AFG2A: variants seen among roughly 807,000 people sequenced by gnomAD.
The protein encoded by AFG2A is ATPase family gene 2 protein homolog A.
chr4:123,162,548 AT>A, the AFG2A span, among the ~76,000 whole-genome samples: 38 of 152,312 alleles, frequency 2.5e-4, no homozygotes, highest in Middle Eastern at 3.4e-3. Context: ...CTTAGAACTT[AT>A]GTCTATAAAA....
chr4:122,956,344 A>G, the AFG2A span, among the ~76,000 whole-genome samples: 2 of 152,240 alleles, frequency 1.3e-5, no homozygotes, highest in Non-Finnish European at 2.9e-5. Flanking sequence ...TAGAAGTATC[A>G]GACAGACTCA....
the AFG2A span, among the ~76,000 whole-genome samples, chr4:123,182,589 A>C: frequency 6.6e-6 from 1 of 152,188 alleles, no homozygotes; most frequent in East Asian, 1.9e-4. Context: ...TTGTGCTTAA[A>C]GTATAAAACT....
the AFG2A span, among the ~76,000 whole-genome samples, chr4:123,007,150 C>G: frequency 6.6e-6 from 1 of 151,838 alleles, no homozygotes; most frequent in South Asian, 2.1e-4. Context: ...GTTTTGGTAA[C>G]AGTTTGATCC....
chr4:123,007,588 G>A, the AFG2A span, among the ~76,000 whole-genome samples: 46 of 8,600 alleles, frequency 5.3e-3, 1 homozygote, highest in South Asian at 0.036. Context: ...GTGTGTGTGT[G>A]TGTGTGTGTG....
the AFG2A span, among the ~76,000 whole-genome samples, chr4:122,954,931 A>G: frequency 0.16 from 24,868 of 152,032 alleles, 2,504 homozygotes; most frequent in East Asian, 0.45. Flanking sequence ...TGGGCACCAC[A>G]TAAATGTGAT....
the AFG2A span, among the ~76,000 whole-genome samples, chr4:123,067,554 A>G: frequency 6.6e-6 from 1 of 151,894 alleles, no homozygotes; most frequent in Non-Finnish European, 1.5e-5. Context: ...AAATGAACAA[A>G]TTTACATGCC....
chr4:122,939,440 G>A, the AFG2A span, among the ~76,000 whole-genome samples: 1 of 152,028 alleles, frequency 6.6e-6, no homozygotes, highest in African/African-American at 2.4e-5. Context: ...ACATTCATAG[G>A]ACTAATAAGA....
chr4:123,284,164 A>T, the AFG2A span, among the ~76,000 whole-genome samples: 4 of 152,176 alleles, frequency 2.6e-5, 1 homozygote, highest in South Asian at 6.2e-4. Flanking sequence ...CCTTTTCCCA[A>T]AATATTTTGT....
the AFG2A span, among the ~76,000 whole-genome samples, chr4:123,007,666 C>CACACAT: frequency 0.28 from 35,777 of 125,844 alleles, 6,817 homozygotes; most frequent in South Asian, 0.54. Context: ...CACACACACA[C>CACACAT]ATATATGGAC....
At chr4:123,175,375 C>G in the AFG2A span, among the ~76,000 whole-genome samples, 1 of 152,028 alleles carries the variant, frequency 6.6e-6, no homozygotes, top group Admixed American at 6.6e-5. Context: ...TCCTTACTGT[C>G]TAAGTGTATA....
chr4:123,174,707 A>G, the AFG2A span, among the ~76,000 whole-genome samples: 3 of 152,098 alleles, frequency 2.0e-5, no homozygotes, highest in Non-Finnish European at 4.4e-5. Flanking sequence ...TTGGGCCCCT[A>G]CTTCACATCA....
chr4:122,934,794 G>A, the AFG2A span: 1 of 1,509,688 alleles, frequency 6.6e-7, no homozygotes, highest in Non-Finnish European at 8.8e-7. Context: ...TTAAAAGACA[G>A]TTGACACTTA....
the AFG2A span, among the ~76,000 whole-genome samples, chr4:123,101,723 G>T: frequency 6.6e-6 from 1 of 151,964 alleles, no homozygotes; most frequent in South Asian, 2.1e-4. Flanking sequence ...TTTTGAGAGT[G>T]CACAACATTG....
the AFG2A span, among the ~76,000 whole-genome samples, chr4:123,246,711 G>T: frequency 4.6e-5 from 7 of 152,120 alleles, no homozygotes; most frequent in African/African-American, 1.4e-4. Flanking sequence ...AATATCTTAA[G>T]CATACCCTCT....
chr4:123,240,895 TAAAG>T, the AFG2A span, among the ~76,000 whole-genome samples: 69 of 151,184 alleles, frequency 4.6e-4, no homozygotes, highest in African/African-American at 1.6e-3. Flanking sequence ...GCAAGACTAA[TAAAG>T]AAGAAAAGGG....
At chr4:123,160,774 G>C in the AFG2A span, among the ~76,000 whole-genome samples, 1 of 151,972 alleles carries the variant, frequency 6.6e-6, no homozygotes, top group Admixed American at 6.6e-5. Context: ...AAGACCCCCA[G>C]TGGATGTCTG....
chr4:122,966,984 A>G, the AFG2A span, among the ~76,000 whole-genome samples: 15 of 152,318 alleles, frequency 9.8e-5, no homozygotes, highest in East Asian at 2.3e-3. Flanking sequence ...GTCAATGAAT[A>G]TATCTTCTCA....
At chr4:123,126,109 A>T in the AFG2A span, among the ~76,000 whole-genome samples, 1 of 152,006 alleles carries the variant, frequency 6.6e-6, no homozygotes, top group African/African-American at 2.4e-5. Flanking sequence ...CCATTATAGT[A>T]TTTTCTGTTT....
the AFG2A span, among the ~76,000 whole-genome samples, chr4:123,261,550 C>G: frequency 6.6e-6 from 1 of 151,964 alleles, no homozygotes; most frequent in African/African-American, 2.4e-5. Flanking sequence ...AAATACTATG[C>G]CATTTTATAT....
Sources: allele counts gnomAD v4.1 joint callset (sites outside exome capture counted in the v4.1 genomes callset), GRCh38; gene constraint gnomAD v4.1.1; transcripts MANE v1.5; gene names NCBI Gene and HGNC (gene_info 2026-07-23, HGNC 2026-07-21).